The following TENM2 variants were observed in gnomAD, a reference collection of about 807,000 sequenced individuals.
The protein encoded by TENM2 is teneurin transmembrane protein 2, also known as teneurin-2.
In TENM2, 52 loss-of-function variants were observed where a neutral mutation model predicts 245.2. The ratio of observed to expected loss-of-function variants is 0.21; its 90% CI spans 0.17 to 0.27. TENM2 has a LOEUF of 0.27. Among genes scored for constraint, TENM2 ranks in the 10% least tolerant of loss-of-function variants. The pLI is 1.00. For synonymous variants in TENM2, 1,363 were observed against 1,438.9 expected (o/e 0.95, Z 1.19); for missense variants, 3,046 against 3,666.8 (o/e 0.83, Z 4.37).
At chr5:168,207,223 A>G (rs1249376615) in intron 19 of TENM2, among the ~76,000 whole-genome samples, 2 of 152,174 alleles carry the variant, frequency 1.3e-5, no homozygotes, top group South Asian at 2.1e-4. Context: ...TTTAAGTACT[A>G]GAGGAGGTCC....
chr5:167,183,035 T>C, the TENM2 span, among the ~76,000 whole-genome samples: 1 of 152,174 alleles, frequency 6.6e-6, no homozygotes, highest in Non-Finnish European at 1.5e-5. Flanking sequence ...CCTGCCTCTT[T>C]CCTACAAATC....
At chr5:168,141,456 A>C (rs1290572356) in intron 12 of TENM2, among the ~76,000 whole-genome samples, 2 of 152,230 alleles carry the variant, frequency 1.3e-5, no homozygotes, top group African/African-American at 2.4e-5. Context: ...AAAGGCTGAC[A>C]TATCTACCAG....
intron 5 of TENM2, among the ~76,000 whole-genome samples, chr5:168,006,779 C>T (rs899870791): frequency 6.6e-6 from 1 of 152,104 alleles, no homozygotes; most frequent in African/African-American, 2.4e-5. Flanking sequence ...CCTGAAACAG[C>T]GATTTATTTT....
chr5:167,014,933 CT>C, the TENM2 span, among the ~76,000 whole-genome samples: 27 of 152,276 alleles, frequency 1.8e-4, 2 homozygotes, highest in African/African-American at 6.5e-4. Flanking sequence ...TACATATAAA[CT>C]GTTGTCTTTT....
intron 27 of TENM2, among the ~76,000 whole-genome samples, 166 bp downstream of exon 29, chr5:168,248,537 C>T (rs967997431): frequency 4.6e-5 from 7 of 152,120 alleles, no homozygotes; most frequent in African/African-American, 1.7e-4. Flanking sequence ...AGTAGAGAGA[C>T]GGCAGTACAG....
intron 2 of TENM2, among the ~76,000 whole-genome samples, chr5:167,857,170 C>A (rs373399415): frequency 6.6e-6 from 1 of 152,080 alleles, no homozygotes; most frequent in African/African-American, 2.4e-5. Context: ...AGCCATGATA[C>A]CAAGTGGAAC....
chr5:167,042,669 T>G, the TENM2 span, among the ~76,000 whole-genome samples: 1 of 152,208 alleles, frequency 6.6e-6, no homozygotes, highest in Non-Finnish European at 1.5e-5. Flanking sequence ...AAGACAGTTT[T>G]GAGGAGTTTT....
the TENM2 span, among the ~76,000 whole-genome samples, chr5:167,266,851 G>A: frequency 6.6e-6 from 1 of 152,218 alleles, no homozygotes; most frequent in Admixed American, 6.5e-5. Flanking sequence ...CATGAAATGT[G>A]AATGTGCCAT....
chr5:167,884,698 A>C (rs912063848), intron 3 of TENM2, among the ~76,000 whole-genome samples: 10 of 152,208 alleles, frequency 6.6e-5, no homozygotes, highest in Admixed American at 1.3e-4. Context: ...TCTATTGTGA[A>C]TAATGCTGCT....
intron 2 of TENM2, among the ~76,000 whole-genome samples, chr5:167,494,591 G>GA (rs931191040): frequency 2.0e-5 from 3 of 151,590 alleles, no homozygotes; most frequent in African/African-American, 2.4e-5. Flanking sequence ...GGAGAAATAG[G>GA]AAAAAAAGAG....
At chr5:168,041,024 G>A (rs1788140377) in intron 5 of TENM2, among the ~76,000 whole-genome samples, 1 of 152,182 alleles carries the variant, frequency 6.6e-6, no homozygotes, top group Non-Finnish European at 1.5e-5. Context: ...ACAATATTTA[G>A]TAAGTAAGTG....
intron 4 of TENM2, among the ~76,000 whole-genome samples, chr5:167,990,649 C>T (rs368354858): frequency 2.1e-4 from 32 of 152,228 alleles, no homozygotes; most frequent in Non-Finnish European, 4.0e-4. Flanking sequence ...TCCAAAACAC[C>T]ATTTTAAAAT....
intron 2 of TENM2, among the ~76,000 whole-genome samples, chr5:167,649,658 A>G (rs17068894): frequency 0.083 from 12,655 of 152,210 alleles, 1,533 homozygotes; most frequent in East Asian, 0.57. Flanking sequence ...TGGAAAACAC[A>G]GACAGGAGTG....
chr5:167,648,201 C>T (rs1423521792), intron 2 of TENM2, among the ~76,000 whole-genome samples: 1 of 152,194 alleles, frequency 6.6e-6, no homozygotes, highest in Non-Finnish European at 1.5e-5. Flanking sequence ...CCAGCTTTGT[C>T]AGGCTTATGC....
At chr5:167,445,343 A>G (rs1234963775) in intron 2 of TENM2, among the ~76,000 whole-genome samples, 5 of 118,354 alleles carry the variant, frequency 4.2e-5, no homozygotes, top group East Asian at 4.9e-4. Context: ...ATATAGAGAG[A>G]GAGAGAGAGA....
rs192636978 is a variant in TENM2 at position 167,915,972 on chromosome 5, G to A, written c.713-36616G>A. On this transcript the variant is annotated intron_variant, in intron 3 of 28. Transcript: ENST00000518659. ...TGACTGACCTTAGAGAAGTTATTTG[G>A]TCTCCTTGGGCCTCAGTTTCCTTAT... is the stretch of plus-strand genomic sequence containing the variant. 1.1e-3 allele frequency among the ~76,000 whole-genome samples: 165 copies of A among 152,218 alleles called. 3 individuals carry two copies. The highest frequency in any genetic ancestry group is 3.6e-3 in the African/African-American group (151 of 41,530).
chr5:167,517,605 T>TCA (rs1457817292), intron 2 of TENM2, among the ~76,000 whole-genome samples: 2,104 of 152,162 alleles, frequency 0.014, 55 homozygotes, highest in African/African-American at 0.047. Flanking sequence ...TTAAGGGAGC[T>TCA]CTCTCAGCTG....
intron 2 of TENM2, among the ~76,000 whole-genome samples, chr5:167,555,869 A>G (rs1773230929): frequency 6.6e-6 from 1 of 152,158 alleles, no homozygotes; most frequent in African/African-American, 2.4e-5. Context: ...TTCAAATTCC[A>G]TAAGGCGACA....
intron 12 of TENM2, chr5:168,149,328 T>C (rs1756431844): frequency 2.2e-6 from 1 of 456,178 alleles, no homozygotes; most frequent in South Asian, 1.6e-5. Context: ...AAAAGCAACT[T>C]GGAGAGGAGG....
Sources: allele counts gnomAD v4.1 joint callset (sites outside exome capture counted in the v4.1 genomes callset), GRCh38; gene constraint gnomAD v4.1.1; transcripts MANE v1.5; gene names NCBI Gene and HGNC (gene_info 2026-07-23, HGNC 2026-07-21).